The following DLC1 variants were observed in gnomAD, a reference collection of about 807,000 sequenced individuals.
DLC1 encodes the protein DLC1 Rho GTPase activating protein, also known as rho GTPase-activating protein 7.
Under a neutral mutation model 140.3 loss-of-function variants are expected in DLC1, and 54 were observed. That is an observed-to-expected ratio of 0.38 (90% CI 0.31 to 0.48). The LOEUF (loss-of-function observed/expected upper bound fraction) is 0.48, where lower values mean the gene tolerates loss of function less well. DLC1 is among the 20% of genes least tolerant of loss of function. The probability of loss-of-function intolerance (pLI) is 0.96; values close to 1 mark genes in which losing one functional copy is unlikely to be tolerated. For synonymous variants in DLC1, 986 were observed against 728.1 expected (o/e 1.35, Z -5.70); for missense variants, 2,536 against 1,907.0 (o/e 1.33, Z -6.14).
intron 5 of DLC1, among the ~76,000 whole-genome samples, chr8:13,260,657 A>C (rs1457642160): frequency 6.6e-6 from 1 of 152,202 alleles, no homozygotes; most frequent in Non-Finnish European, 1.5e-5. Flanking sequence ...GAAATATCCA[A>C]CTGATGCTGG....
chr8:13,371,424 T>A (rs1438638504), intron 4 of DLC1, among the ~76,000 whole-genome samples: 1 of 152,204 alleles, frequency 6.6e-6, no homozygotes, highest in East Asian at 1.9e-4. Flanking sequence ...CAAGTTCCTC[T>A]TTGTCACAGT....
At chr8:13,225,971 G>A (rs999759096) in intron 5 of DLC1, among the ~76,000 whole-genome samples, 1 of 152,004 alleles carries the variant, frequency 6.6e-6, no homozygotes, top group Admixed American at 6.6e-5. Context: ...GGACTGCAGT[G>A]GTGCAATCAT....
intron 5 of DLC1, among the ~76,000 whole-genome samples, chr8:13,206,760 G>A (rs1386142175): frequency 6.6e-6 from 1 of 151,850 alleles, no homozygotes; most frequent in African/African-American, 2.4e-5. Flanking sequence ...TACAATATTT[G>A]AAATGAGGTA....
At chr8:13,409,730 T>G (rs1837706132) in intron 2 of DLC1, among the ~76,000 whole-genome samples, 1 of 152,168 alleles carries the variant, frequency 6.6e-6, no homozygotes, top group Non-Finnish European at 1.5e-5. Flanking sequence ...GCTTGTTTCT[T>G]TGAATGAATA....
intron 5 of DLC1, among the ~76,000 whole-genome samples, chr8:13,154,702 CCTGAGGAGGCGCCGAGAGCGAGCGAGGG>C (rs1170977396): frequency 1.3e-5 from 2 of 152,184 alleles, no homozygotes; most frequent in Admixed American, 6.5e-5. Context: ...GACGCTGAGG[CCTGAGGAGGCGCCGAGAGCGAGCGAGGG>C]CTGCTAGCAT....
chr8:13,562,911 CAA>C (rs75333707), intron 1 of DLC1, among the ~76,000 whole-genome samples: 1 of 141,298 alleles, frequency 7.1e-6, no homozygotes, highest in African/African-American at 2.6e-5. Flanking sequence ...AAGAAAAAAA[CAA>C]AAAAAAAACG....
At chr8:13,235,827 A>G (rs1367200282) in intron 5 of DLC1, among the ~76,000 whole-genome samples, 1 of 152,016 alleles carries the variant, frequency 6.6e-6, no homozygotes, top group East Asian at 1.9e-4. Context: ...AATTTCTAAC[A>G]GCTTTAAAAG....
chr8:13,139,174 C>T (rs1281315561), intron 5 of DLC1, among the ~76,000 whole-genome samples: 1 of 151,014 alleles, frequency 6.6e-6, no homozygotes, highest in Non-Finnish European at 1.5e-5. Context: ...CCTGTGTTCC[C>T]AGCTACTTGG....
At chr8:13,154,378 A>G (rs987825968) in intron 5 of DLC1, among the ~76,000 whole-genome samples, 1 of 152,172 alleles carries the variant, frequency 6.6e-6, no homozygotes, top group Non-Finnish European at 1.5e-5. Flanking sequence ...GAATTGGAGC[A>G]TGGCGCCTGC....
intron 4 of DLC1, among the ~76,000 whole-genome samples, chr8:13,321,648 A>G (rs1833129780): frequency 6.6e-6 from 1 of 151,358 alleles, no homozygotes; most frequent in South Asian, 2.1e-4. Flanking sequence ...TCCAGTTAGC[A>G]GCATTCTTTT....
At chr8:13,505,304 T>G (rs6997784) in intron 1 of DLC1, among the ~76,000 whole-genome samples, 25,949 of 151,884 alleles carry the variant, frequency 0.17, 3,448 homozygotes, top group East Asian at 0.38. Context: ...TTAAGGGAGA[T>G]AGTCACTTTC....
intron 4 of DLC1, among the ~76,000 whole-genome samples, chr8:13,375,710 A>T (rs1835946800): frequency 7.0e-6 from 1 of 142,468 alleles, no homozygotes; most frequent in Non-Finnish European, 1.5e-5. Flanking sequence ...ATTTTCAATG[A>T]TGACTGTTAT....
chr8:13,116,268 G>C, intron 5 of DLC1: 1 of 978,642 alleles, frequency 1.0e-6, no homozygotes, highest in Non-Finnish European at 1.2e-6. Flanking sequence ...TTGGCAGGCA[G>C]AAATGGCTAA....
intron 4 of DLC1, among the ~76,000 whole-genome samples, chr8:13,353,092 C>T (rs953857149): frequency 5.9e-5 from 9 of 152,054 alleles, no homozygotes; most frequent in Non-Finnish European, 1.0e-4. Context: ...TTCTTAGTAA[C>T]ATAATTAACC....
At chr8:13,093,465 G>A (rs1416947481) in intron 12 of DLC1, among the ~76,000 whole-genome samples, 3 of 152,066 alleles carry the variant, frequency 2.0e-5, no homozygotes, top group East Asian at 1.9e-4. Context: ...TGCTCGAGAG[G>A]CTATAAAAAT....
chr8:13,444,478 A>G (rs1372897070), intron 2 of DLC1, among the ~76,000 whole-genome samples: 4 of 152,252 alleles, frequency 2.6e-5, no homozygotes, highest in African/African-American at 9.6e-5. Flanking sequence ...GGTTTTAAGA[A>G]GGTCACATTA....
chr8:13,123,164 C>T (rs1256838202), intron 5 of DLC1, among the ~76,000 whole-genome samples: 3 of 152,106 alleles, frequency 2.0e-5, no homozygotes, highest in Admixed American at 6.6e-5. Flanking sequence ...TTGTTAAGCC[C>T]GAAGTGACCC....
At position 13,085,674 on chromosome 8, in the gene DLC1, T is replaced by A. The variant is rs987816603; in HGVS notation, c.*137A>T. On this transcript the variant is annotated 3_prime_UTR_variant, in exon 18 of 18. Coordinates refer to ENST00000276297, the MANE Select transcript of DLC1 (RefSeq NM_182643.3). ...AAGCAGCTTTAAAAATGTATCAAAT[T>A]GCTATAGTCAATTCCTACACTCCAG... 3.2e-5 allele frequency: 43 copies of A among 1,328,334 alleles called. No individual in the cohort carries two copies. In the Middle Eastern group the frequency reaches 6.5e-4, roughly 20 times the overall value. The allele number at this position is 1,328,334 out of a possible 1,614,324, so 82.3% of individuals were successfully genotyped here.
intron 5 of DLC1, among the ~76,000 whole-genome samples, chr8:13,272,590 G>A (rs146087123): frequency 0.074 from 11,267 of 152,044 alleles, 480 homozygotes; most frequent in South Asian, 0.094. Flanking sequence ...GGCTGGGTGC[G>A]GTGGCTCATG....
Sources: allele counts gnomAD v4.1 joint callset (sites outside exome capture counted in the v4.1 genomes callset), GRCh38; gene constraint gnomAD v4.1.1; transcripts MANE v1.5; gene names NCBI Gene and HGNC (gene_info 2026-07-23, HGNC 2026-07-21).